Variants in CDC14B observed in about 807,000 individuals in gnomAD.
CDC14B encodes the protein cell division cycle 14B.
CDC14B carries 22 observed loss-of-function variants against 64.2 expected under a neutral mutation model. That is an observed-to-expected ratio of 0.34 (90% CI 0.24 to 0.49). CDC14B has a LOEUF of 0.49. Ranked by LOEUF, CDC14B falls within the 20% of genes least tolerant of loss-of-function variation. CDC14B has a pLI of 0.99. For missense variants in CDC14B, 498 were observed against 629.9 expected (o/e 0.79, Z 2.24); for synonymous variants, 191 against 215.8 (o/e 0.89, Z 1.01).
At chr9:96,614,371 A>AG (rs907013386) in intron 1 of CDC14B, among the ~76,000 whole-genome samples, 1 of 151,994 alleles carries the variant, frequency 6.6e-6, no homozygotes, top group Non-Finnish European at 1.5e-5. Context: ...CCTCCGGAGT[A>AG]GGGGTTTTGC....
At chr9:96,611,336 T>C (rs985421698) in intron 1 of CDC14B, among the ~76,000 whole-genome samples, 11 of 152,230 alleles carry the variant, frequency 7.2e-5, no homozygotes, top group African/African-American at 2.7e-4. Context: ...ATTTGAAGAT[T>C]AGTTAGTTCC....
chr9:96,571,296 C>T (rs890863722), intron 1 of CDC14B, among the ~76,000 whole-genome samples: 2 of 152,154 alleles, frequency 1.3e-5, no homozygotes, highest in Non-Finnish European at 2.9e-5. Flanking sequence ...CTGCCTCAGC[C>T]TCCCGAGTAG....
At chr9:96,562,172 AAC>A (rs1405961103) in intron 4 of CDC14B, among the ~76,000 whole-genome samples, 2 of 152,234 alleles carry the variant, frequency 1.3e-5, no homozygotes, top group African/African-American at 4.8e-5. Flanking sequence ...ATCTTCTGAC[AAC>A]ACTGACATCC....
rs766235256 is a variant in CDC14B, at chr9:96,514,785, C to T, written c.1344-4996G>A. 14 of 985,354 alleles carry T rather than the reference C, an allele frequency of 1.4e-5. 1 individual carries two copies. The highest frequency in any genetic ancestry group is 1.7e-5 in the Non-Finnish European group (14 of 829,942). The allele number at this position is 985,354 out of a possible 1,614,324, so 61.0% of individuals were successfully genotyped here. On this transcript the variant is annotated intron_variant, in intron 12 of 13. Transcript: ENST00000375241. ...GTGGACCCCGTGACACGGACACACC[C>T]GCCTTCTGGGGGTCTTCAACATGCT...
intron 3 of CDC14B, 30 bp from the exon 4 acceptor site, chr9:96,562,815 T>TTC (rs1203377220): frequency 1.5e-6 from 2 of 1,372,078 alleles, no homozygotes; most frequent in Non-Finnish European, 2.1e-6. Context: ...TGTTAGCATT[T>TTC]TCTTTTTAAT....
chr9:96,528,321 A>C (rs1837898446), intron 9 of CDC14B, among the ~76,000 whole-genome samples: 1 of 152,116 alleles, frequency 6.6e-6, no homozygotes, highest in Non-Finnish European at 1.5e-5. Flanking sequence ...CAGGAGTTCG[A>C]GACCAGCCTG....
intron 1 of CDC14B, among the ~76,000 whole-genome samples, chr9:96,586,084 T>G (rs1262343060): frequency 6.6e-6 from 1 of 152,156 alleles, no homozygotes; most frequent in Non-Finnish European, 1.5e-5. Context: ...CCCAGGGAAC[T>G]TTAGCGTAGT....
In CDC14B at chr9:96,619,660, G is replaced by C. The variant is rs1847854755; in HGVS notation, c.-282C>G. 1 of 147,698 alleles carries C rather than the reference G, an allele frequency of 6.8e-6. No individual in the cohort carries two copies. The highest frequency in any genetic ancestry group is 6.7e-5 in the Admixed American group (1 of 14,858). The allele number at this position is 147,698 out of a possible 1,614,324, so 9.1% of individuals were successfully genotyped here. ...CTGCCGCGGCCGGCGCCCCCAGCCC[G>C]CCCCCAGGTGCCCGCAGCCGGCTGG... On this transcript the variant is annotated 5_prime_UTR_variant, in exon 1 of 14. Transcript: ENST00000375241.
intron 12 of CDC14B, among the ~76,000 whole-genome samples, 183 bp downstream of exon 12, chr9:96,522,323 A>C (rs962609151): frequency 2.6e-5 from 4 of 152,160 alleles, no homozygotes; most frequent in Admixed American, 2.6e-4. Flanking sequence ...GGACCAAGGT[A>C]AACAAGGGAC....
Position 96,503,346 on chromosome 9 carries a change from G to A in CDC14B, c.*407C>T, listed in dbSNP as rs769993260. 6 of 200,148 alleles carry A rather than the reference G, an allele frequency of 3.0e-5. No homozygotes were observed. The highest frequency in any genetic ancestry group is 9.2e-5 in the African/African-American group (4 of 43,280). The allele number at this position is 200,148 out of a possible 1,614,324, so 12.4% of individuals were successfully genotyped here. A position where few individuals can be genotyped will look rare whatever the true frequency, so the allele number is the denominator to read the frequency against. ...TGTATCTTTATAAATTTTGACACAGGGTCACAAGGTGAACAGAAAATAAAT... is the reference window on the plus strand; with the variant it reads ...TGTATCTTTATAAATTTTGACACAGAGTCACAAGGTGAACAGAAAATAAAT... On this transcript the variant is annotated 3_prime_UTR_variant, in exon 14 of 14. Coordinates refer to ENST00000375241, the MANE Select transcript of CDC14B (RefSeq NM_033331.4).
chr9:96,584,766 G>A (rs1793164480), intron 1 of CDC14B, among the ~76,000 whole-genome samples: 1 of 152,258 alleles, frequency 6.6e-6, no homozygotes, highest in East Asian at 1.9e-4. Flanking sequence ...CAATTCTCCT[G>A]CCTCAGCCTC....
chr9:96,567,101 T>G, intron 1 of CDC14B: 16 of 705,858 alleles, frequency 2.3e-5, no homozygotes, highest in East Asian at 7.4e-5. Context: ...CCCGCCTTCC[T>G]TCCCCAGCTG....
At chr9:96,605,847 G>A (rs908167808) in intron 1 of CDC14B, among the ~76,000 whole-genome samples, 1 of 151,232 alleles carries the variant, frequency 6.6e-6, no homozygotes, top group Non-Finnish European at 1.5e-5. Flanking sequence ...TGCAACAAGA[G>A]CGAAATTTTG....
intron 1 of CDC14B, among the ~76,000 whole-genome samples, chr9:96,577,287 A>G (rs914094917): frequency 4.6e-5 from 7 of 152,178 alleles, no homozygotes; most frequent in Non-Finnish European, 1.0e-4. Flanking sequence ...AAAGATCATA[A>G]AAAAATCTAT....
chr9:96,596,227 T>C (rs1184705110), intron 1 of CDC14B, among the ~76,000 whole-genome samples: 1 of 151,876 alleles, frequency 6.6e-6, no homozygotes, highest in Non-Finnish European at 1.5e-5. Flanking sequence ...CCGGGCATGG[T>C]GGCACGGACC....
chr9:96,613,785 T>C (rs564471188), intron 1 of CDC14B, among the ~76,000 whole-genome samples: 4 of 152,332 alleles, frequency 2.6e-5, no homozygotes, highest in Admixed American at 1.3e-4. Flanking sequence ...GCAATTTTTT[T>C]CCTTGACTCA....
At chr9:96,538,970 A>C (rs1306377537) in intron 7 of CDC14B, 108 bp downstream of exon 7, 2 of 736,708 alleles carry the variant, frequency 2.7e-6, no homozygotes, top group Non-Finnish European at 4.8e-6. Flanking sequence ...ATATCAAAAC[A>C]TTACTTTGTA....
chr9:96,572,406 T>C (rs1588011769), intron 1 of CDC14B, among the ~76,000 whole-genome samples: 1 of 152,226 alleles, frequency 6.6e-6, no homozygotes, highest in East Asian at 1.9e-4. Flanking sequence ...TCCAGGTAGA[T>C]GGTGTCAGAA....
chr9:96,583,341 C>T lies in CDC14B; in HGVS notation c.161-17858G>A, dbSNP rs147470828. On this transcript the variant is annotated intron_variant, in intron 1 of 13. Coordinates refer to ENST00000375241, the MANE Select transcript of CDC14B (RefSeq NM_033331.4). The stretch of plus-strand genomic sequence containing the variant: ...ATGTCAGTCTGGATGCGTAAACCGG[C>T]GCCACCCTCCGGCTACTGGTTGTAT... Among the ~76,000 whole-genome samples the T allele has an allele frequency of 4.6e-4, 69 of 150,700 alleles. No homozygotes were observed. In the East Asian group the frequency reaches 0.011, roughly 24 times the overall value.
Sources: gnomAD v4.1 joint callset for allele counts (sites outside exome capture counted in the v4.1 genomes callset) on GRCh38, gnomAD v4.1.1 for gene constraint, MANE v1.5 for transcripts, NCBI Gene and HGNC (gene_info 2026-07-23, HGNC 2026-07-21) for gene names.